The following NPSR1 variants were observed in gnomAD, a reference collection of about 807,000 sequenced individuals.
NPSR1 encodes neuropeptide S receptor 1.
A neutral mutation model predicts 46.9 loss-of-function variants in NPSR1; 48 were observed. The ratio of observed to expected loss-of-function variants is 1.02; its 90% CI spans 0.81 to 1.30. The LOEUF (loss-of-function observed/expected upper bound fraction) is 1.30, where lower values mean the gene tolerates loss of function less well. Ranked by LOEUF, NPSR1 falls within the 50% of genes most tolerant of loss-of-function variation. NPSR1 has a pLI of 0.00. For missense variants in NPSR1, 450 were observed against 449.5 expected (o/e 1.00, Z -0.01); for synonymous variants, 176 against 168.1 (o/e 1.05, Z -0.36).
intron 8 of NPSR1, among the ~76,000 whole-genome samples, chr7:34,869,909 A>T (rs572444503): frequency 6.6e-6 from 1 of 151,880 alleles, no homozygotes; most frequent in Admixed American, 6.5e-5. Context: ...TGGTAGCTTG[A>T]AATCAACCTG....
downstream of NPSR1, among the ~76,000 whole-genome samples, chr7:34,850,379 A>G (rs1426007429): frequency 2.7e-5 from 4 of 150,468 alleles, no homozygotes; most frequent in Admixed American, 6.6e-5. Flanking sequence ...GGTCCCTAGA[A>G]CACACATGTC....
chr7:34,697,253 T>C (rs1445261210), intron 2 of NPSR1, among the ~76,000 whole-genome samples: 4 of 151,912 alleles, frequency 2.6e-5, no homozygotes, highest in Non-Finnish European at 4.4e-5. Flanking sequence ...TCTGGGTAGT[T>C]AAAGATGTTA....
intron 2 of NPSR1, chr7:34,750,851 C>T (rs1289714443): frequency 2.9e-6 from 2 of 696,592 alleles, no homozygotes; most frequent in African/African-American, 1.8e-5. Context: ...GCTTTGTCTG[C>T]TTGTCTTTGG....
At chr7:34,779,596 A>G in intron 3 of NPSR1, 1 of 1,283,748 alleles carries the variant, frequency 7.8e-7, no homozygotes. Context: ...AATAGTTACA[A>G]TCTTCTTTTG....
At chr7:34,733,429 A>AAAAAAG (rs971765824) in intron 2 of NPSR1, among the ~76,000 whole-genome samples, 2 of 151,826 alleles carry the variant, frequency 1.3e-5, no homozygotes, top group African/African-American at 4.8e-5. Flanking sequence ...AAAAAAAAAA[A>AAAAAAG]AAAAAGAAAA....
chr7:34,770,840 T>G (rs772171080), intron 2 of NPSR1, among the ~76,000 whole-genome samples: 21 of 152,108 alleles, frequency 1.4e-4, no homozygotes, highest in Non-Finnish European at 2.9e-4. Flanking sequence ...TGCCAGAAAG[T>G]TCAGTGTCTG....
chr7:34,745,003 T>C (rs920000497), intron 2 of NPSR1, among the ~76,000 whole-genome samples: 1 of 152,220 alleles, frequency 6.6e-6, no homozygotes, highest in African/African-American at 2.4e-5. Context: ...AAAAGTAATA[T>C]AGAGATAATT....
rs148764731 is a variant in NPSR1 at position 34,833,763 on chromosome 7, G to A, written c.681-621G>A. 1.2e-4 allele frequency among the ~76,000 whole-genome samples: 19 copies of A among 152,310 alleles called. No individual in the cohort carries two copies. The East Asian group carries it at 2.9e-3, about 23-fold the overall frequency. ...GGTCATCAGAGGCTGGACTGGGAGA[G>A]GCTCTTTTCCAAGCTCCCTCAGGTC... is the stretch of plus-strand genomic sequence containing the variant. On this transcript the variant is annotated intron_variant, in intron 5 of 8. Transcript: ENST00000360581.
intron 2 of NPSR1, among the ~76,000 whole-genome samples, chr7:34,689,281 A>T (rs1793097021): frequency 6.6e-6 from 1 of 152,172 alleles, no homozygotes; most frequent in Admixed American, 6.5e-5. Flanking sequence ...AGCTTCACCT[A>T]CTGGCCTGGA....
In NPSR1 at chr7:34,842,170, T is replaced by C. The variant is rs116377788; in HGVS notation, c.758-2726T>C. On this transcript the variant is annotated intron_variant, in intron 6 of 8. Coordinates refer to ENST00000360581, the MANE Select transcript of NPSR1 (RefSeq NM_207172.2). Reference sequence around the variant, plus strand: ...TTTATGTTAATCTTCAAAGTAACTCTGTGAGTTAGGTGTTCTACACCTCAA... The same window carrying C: ...TTTATGTTAATCTTCAAAGTAACTCCGTGAGTTAGGTGTTCTACACCTCAA... Among the ~76,000 whole-genome samples, 741 of 152,358 alleles carry C rather than the reference T, an allele frequency of 4.9e-3. 5 individuals are homozygous for C. Among genetic ancestry groups the C allele is most frequent in the African/African-American group, 0.017 (707 of 41,582 alleles).
At chr7:34,792,123 A>G (rs1391421982) in intron 3 of NPSR1, among the ~76,000 whole-genome samples, 1 of 152,078 alleles carries the variant, frequency 6.6e-6, no homozygotes, top group South Asian at 2.1e-4. Flanking sequence ...CTAGATAAAA[A>G]CAGGGGAAAT....
chr7:34,664,630 GA>G (rs1791649776), intron 1 of NPSR1, among the ~76,000 whole-genome samples: 1 of 142,246 alleles, frequency 7.0e-6, no homozygotes, highest in African/African-American at 2.8e-5. Flanking sequence ...AAAAAAAAAT[GA>G]GACCATGAAA....
intron 2 of NPSR1, chr7:34,728,705 A>T (rs989191191): frequency 4.6e-5 from 7 of 152,644 alleles, no homozygotes; most frequent in African/African-American, 1.4e-4. Flanking sequence ...AACCCCTCTG[A>T]TGGGCTTCAG....
At chr7:34,730,515 A>T (rs1784372852) in intron 2 of NPSR1, among the ~76,000 whole-genome samples, 1 of 152,238 alleles carries the variant, frequency 6.6e-6, no homozygotes, top group Non-Finnish European at 1.5e-5. Flanking sequence ...CAAAGCAGGA[A>T]GGCTCTCAAT....
chr7:34,838,972 A>G (rs1030529144), intron 6 of NPSR1, among the ~76,000 whole-genome samples: 1 of 152,204 alleles, frequency 6.6e-6, no homozygotes, highest in Non-Finnish European at 1.5e-5. Context: ...GCTATATCCA[A>G]ATTCCATGTT....
At chr7:34,796,314 G>GA (rs1462994992) in intron 3 of NPSR1, among the ~76,000 whole-genome samples, 11 of 151,798 alleles carry the variant, frequency 7.2e-5, no homozygotes, top group African/African-American at 2.2e-4. Flanking sequence ...CATGATCCAT[G>GA]AAAAAAAGAA....
chr7:34,832,475 C>T (rs1790164501), intron 5 of NPSR1, among the ~76,000 whole-genome samples: 1 of 152,108 alleles, frequency 6.6e-6, no homozygotes, highest in South Asian at 2.1e-4. Flanking sequence ...GATCCTGACA[C>T]TGTACTCCAG....
In NPSR1 at chr7:34,790,722, T is replaced by C. The variant is rs942146658; in HGVS notation, c.384+12157T>C. On this transcript the variant is annotated intron_variant, in intron 3 of 8. Coordinates refer to ENST00000360581, the MANE Select transcript of NPSR1 (RefSeq NM_207172.2). ...TATGTTCTATGTTATATATAATATA[T>C]GTTATATGTTATATGTTATATATAA... Among the ~76,000 whole-genome samples the C allele has an allele frequency of 1.3e-3, 135 of 102,510 alleles. 3 individuals carry two copies. Among genetic ancestry groups the C allele is most frequent in the African/African-American group, 5.8e-3 (121 of 20,742 alleles). The allele number at this position is 102,510 out of a possible 152,430, so 67.3% of individuals were successfully genotyped here. A position where few individuals can be genotyped will look rare whatever the true frequency, so the allele number is the denominator to read the frequency against.
intron 3 of NPSR1, among the ~76,000 whole-genome samples, chr7:34,795,080 G>T (rs1339274917): frequency 2.0e-5 from 3 of 151,898 alleles, no homozygotes; most frequent in South Asian, 2.1e-4. Flanking sequence ...AACAAGTAAG[G>T]CTTATCCCAA....
Sources: gnomAD v4.1 joint callset for allele counts (sites outside exome capture counted in the v4.1 genomes callset) on GRCh38, gnomAD v4.1.1 for gene constraint, MANE v1.5 for transcripts, NCBI Gene and HGNC (gene_info 2026-07-23, HGNC 2026-07-21) for gene names.